CDH20: variants seen among roughly 807,000 people sequenced by gnomAD.
The protein encoded by CDH20 is cadherin-20.
Under a neutral mutation model 74.2 loss-of-function variants are expected in CDH20, and 29 were observed. The observed-to-expected ratio is 0.39, with a 90% CI of 0.29 to 0.53. The LOEUF is 0.53. CDH20 is among the 20% of genes least tolerant of loss of function. CDH20 has a pLI of 0.69. For synonymous variants in CDH20, 469 were observed against 405.4 expected, an observed-to-expected ratio of 1.16 and a Z score of -1.88; for missense variants, 988 against 1,048.3, an observed-to-expected ratio of 0.94 and a Z score of 0.79.
At chr18:61,357,687 A>G (rs1003957137) in intron 1 of CDH20, among the ~76,000 whole-genome samples, 1 of 152,160 alleles carries the variant, frequency 6.6e-6, no homozygotes, top group Admixed American at 6.5e-5. Flanking sequence ...TCTTCATCTC[A>G]TCAGCCAGAA....
chr18:61,506,351 A>G (rs551326399), intron 5 of CDH20, among the ~76,000 whole-genome samples: 10 of 152,352 alleles, frequency 6.6e-5, no homozygotes, highest in African/African-American at 2.4e-4. Flanking sequence ...TCATGTTTGT[A>G]AAGAACAAGC....
At chr18:61,531,464 A>G (rs1398210690) in intron 7 of CDH20, among the ~76,000 whole-genome samples, 1 of 152,378 alleles carries the variant, frequency 6.6e-6, no homozygotes, top group East Asian at 1.9e-4. Context: ...GAAGACTGTC[A>G]TGAGCCAATC....
intron 1 of CDH20, among the ~76,000 whole-genome samples, chr18:61,413,628 G>A (rs1408215240): frequency 1.3e-5 from 2 of 152,020 alleles, no homozygotes; most frequent in Admixed American, 1.3e-4. Context: ...AAAACACATA[G>A]TTCTGTTGAC....
At chr18:61,472,846 T>C (rs1180729487) in intron 1 of CDH20, among the ~76,000 whole-genome samples, 34 of 152,218 alleles carry the variant, frequency 2.2e-4, no homozygotes, top group Admixed American at 2.2e-3. Context: ...ACATGGTTAT[T>C]AAGCAAAGCA....
chr18:61,480,497 A>C (rs1910553450), intron 1 of CDH20, among the ~76,000 whole-genome samples: 1 of 152,198 alleles, frequency 6.6e-6, no homozygotes, highest in African/African-American at 2.4e-5. Flanking sequence ...GACAACTCGA[A>C]GCAGGGACAG....
At chr18:61,372,985 AAAG>A (rs1911093720) in intron 1 of CDH20, among the ~76,000 whole-genome samples, 1 of 152,118 alleles carries the variant, frequency 6.6e-6, no homozygotes, top group Non-Finnish European at 1.5e-5. Context: ...CTAGGGACCA[AAAG>A]GAGGCTGAAT....
At chr18:61,340,763 A>G (rs1021348862) in intron 1 of CDH20, among the ~76,000 whole-genome samples, 1 of 152,240 alleles carries the variant, frequency 6.6e-6, no homozygotes, top group Admixed American at 6.5e-5. Flanking sequence ...ATTATAAATA[A>G]TTGATGAACT....
chr18:61,395,709 A>G (rs999585294), intron 1 of CDH20, among the ~76,000 whole-genome samples: 1 of 152,228 alleles, frequency 6.6e-6, no homozygotes, highest in Admixed American at 6.5e-5. Context: ...TAGTAAAAAC[A>G]TATATATTTT....
rs1367560084 is a variant in CDH20, at chr18:61,341,426, C to G, written c.-153+7599C>G. ...ATTACACAATGACTGCCTTGAGCCC[C>G]CCCCCCGCCTAATGCCGTTCCATTG... On this transcript the variant is annotated intron_variant, in intron 1 of 11. Transcript: ENST00000262717. Among the ~76,000 whole-genome samples, 8 of 151,816 alleles carry G rather than the reference C, an allele frequency of 5.3e-5. No individual in the cohort carries two copies. The South Asian group carries it at 8.3e-4, about 16-fold the overall frequency.
chr18:61,460,927 ATTT>A (rs1342104251), intron 1 of CDH20, among the ~76,000 whole-genome samples: 1 of 152,168 alleles, frequency 6.6e-6, no homozygotes, highest in African/African-American at 2.4e-5. Flanking sequence ...ATCTTTTGGT[ATTT>A]TTAAGTCAGA....
At position 61,379,785 on chromosome 18, in the gene CDH20, G is replaced by C. The variant is rs17068258; in HGVS notation, c.-153+45958G>C. On this transcript the variant is annotated intron_variant, in intron 1 of 11. Coordinates refer to ENST00000262717, the MANE Select transcript of CDH20 (RefSeq NM_031891.4). Reference sequence around the variant, plus strand: ...ATGTAATTTGCTGACTGATCCAAGAGTTTCACATACATGAGATAACTATTA... The same window carrying C: ...ATGTAATTTGCTGACTGATCCAAGACTTTCACATACATGAGATAACTATTA... 3.2e-3 allele frequency among the ~76,000 whole-genome samples: 482 copies of C among 152,222 alleles called. 3 individuals carry two copies. The highest frequency in any genetic ancestry group is 0.011 in the African/African-American group (463 of 41,512).
At chr18:61,396,759 C>T (rs1214852628) in intron 1 of CDH20, among the ~76,000 whole-genome samples, 1 of 152,224 alleles carries the variant, frequency 6.6e-6, no homozygotes, top group Non-Finnish European at 1.5e-5. Flanking sequence ...CCATTCTGAG[C>T]CTCTATCCTG....
chr18:61,405,381 T>C (rs1318643739), intron 1 of CDH20, among the ~76,000 whole-genome samples: 1 of 151,702 alleles, frequency 6.6e-6, no homozygotes, highest in Non-Finnish European at 1.5e-5. Context: ...AGGCCAGGAG[T>C]CTGAGACCAG....
At chr18:61,475,233 C>A (rs1299527062) in intron 1 of CDH20, among the ~76,000 whole-genome samples, 1 of 152,130 alleles carries the variant, frequency 6.6e-6, no homozygotes, top group Non-Finnish European at 1.5e-5. Flanking sequence ...GAAAGACTTA[C>A]AAGGTAGAAA....
chr18:61,524,609 G>A (rs547657481), intron 6 of CDH20, among the ~76,000 whole-genome samples: 4 of 152,248 alleles, frequency 2.6e-5, no homozygotes, highest in African/African-American at 4.8e-5. Flanking sequence ...AGAATACTAC[G>A]TGGAAATAAA....
chr18:61,335,134 G>A (rs1480388854), intron 1 of CDH20, among the ~76,000 whole-genome samples: 1 of 152,132 alleles, frequency 6.6e-6, no homozygotes, highest in Non-Finnish European at 1.5e-5. Flanking sequence ...ACCTTCCTCA[G>A]CCGCCTCTGG....
At chr18:61,475,687 T>C (rs1384743848) in intron 1 of CDH20, among the ~76,000 whole-genome samples, 3 of 152,204 alleles carry the variant, frequency 2.0e-5, no homozygotes, top group African/African-American at 7.2e-5. Context: ...TATAATAGCA[T>C]GTGTTATTGC....
intron 1 of CDH20, among the ~76,000 whole-genome samples, chr18:61,462,484 A>C (rs1909815287): frequency 6.6e-6 from 1 of 152,114 alleles, no homozygotes. Context: ...TAGGTACTAG[A>C]GGTAAGGACT....
chr18:61,538,631 T>TTTTTTTTTG (rs1599155936), intron 8 of CDH20, among the ~76,000 whole-genome samples: 1 of 120,672 alleles, frequency 8.3e-6, no homozygotes, highest in Non-Finnish European at 1.8e-5. Context: ...TTTTGTTTTT[T>TTTTTTTTTG]TTTTTGAGAC....
Sources: allele counts gnomAD v4.1 joint callset (sites outside exome capture counted in the v4.1 genomes callset), GRCh38; gene constraint gnomAD v4.1.1; transcripts MANE v1.5; gene names NCBI Gene and HGNC (gene_info 2026-07-23, HGNC 2026-07-21).